SH3KBP1: variants seen among roughly 807,000 people sequenced by gnomAD.
The protein encoded by SH3KBP1 is SH3 domain-containing kinase-binding protein 1.
A neutral mutation model predicts 50.1 loss-of-function variants in SH3KBP1; 8 were observed. The ratio of observed to expected loss-of-function variants is 0.16; its 90% CI spans 0.09 to 0.29. The LOEUF is 0.29. Among genes scored for constraint, SH3KBP1 ranks in the 10% least tolerant of loss-of-function variants. The pLI, the probability that SH3KBP1 is intolerant of heterozygous loss-of-function variation, is 1.00. For missense variants in SH3KBP1, 377 were observed against 535.2 expected (o/e 0.70, Z 2.92); for synonymous variants, 227 against 218.6 (o/e 1.04, Z -0.34).
At position 19,535,045 on chromosome X, in the gene SH3KBP1, C is replaced by T. The variant is rs751749258; in HGVS notation, c.*1372G>A. 2.4e-5 allele frequency: 7 copies of T among 295,949 alleles called. No individual in the cohort carries two copies. The highest frequency in any genetic ancestry group is 4.1e-5 in the Non-Finnish European group (7 of 170,122). The allele number at this position is 295,949 out of a possible 1,213,427, so 24.4% of individuals were successfully genotyped here. ...AGCTTTTGAGAAACACATCCAACAT[C>T]TTCAGGGGCCATTAAGGGACCACCC... On this transcript the variant is annotated 3_prime_UTR_variant, in exon 18 of 18. Coordinates refer to ENST00000397821, the MANE Select transcript of SH3KBP1 (RefSeq NM_031892.3).
At chrX:19,885,726 G>A (rs958794503) in intron 1 of SH3KBP1, among the ~76,000 whole-genome samples, 4 of 110,635 alleles carry the variant, frequency 3.6e-5, no homozygotes, top group African/African-American at 9.9e-5. Flanking sequence ...TGGTTACCTC[G>A]GGAGAAATTA....
rs55675573 is a variant in SH3KBP1 at position 19,722,569 on chromosome X, GGTGTGTGTGTGTGT to G, written c.287-15599_287-15586del. ...GTGTGTGTGTGTGCGCGTGCGCACTGGTGTGTGTGTGTGTGTGTGTGTGTGTGTGTGTGTGTGTG... is the reference window on the plus strand; with the variant it reads ...GTGTGTGTGTGTGCGCGTGCGCACTGGTGTGTGTGTGTGTGTGTGTGTGTG... On this transcript the variant is annotated intron_variant, in intron 3 of 17. Coordinates refer to ENST00000397821, the MANE Select transcript of SH3KBP1 (RefSeq NM_031892.3). 2.4e-3 allele frequency among the ~76,000 whole-genome samples: 201 copies of G among 84,237 alleles called. 1 individual carries two copies. Among genetic ancestry groups the G allele is most frequent in the African/African-American group, 6.7e-3 (145 of 21,644 alleles). 73.1% of individuals were successfully genotyped at this position (84,237 alleles called of 115,157 possible).
chrX:19,579,356 C>T (rs1253146332), intron 12 of SH3KBP1, among the ~76,000 whole-genome samples: 1 of 111,747 alleles, frequency 8.9e-6, no homozygotes, highest in Non-Finnish European at 1.9e-5. Context: ...CTTGACATCT[C>T]AAAGAGGCGC....
chrX:19,702,681 AAAC>A (rs2063558250), intron 4 of SH3KBP1, among the ~76,000 whole-genome samples: 1 of 111,271 alleles, frequency 9.0e-6, no homozygotes, highest in African/African-American at 3.3e-5. Context: ...AAACAAAACG[AAAC>A]AACAACAATG....
chrX:19,776,532 G>GTTTTTTTGT (rs2065981657), intron 2 of SH3KBP1, among the ~76,000 whole-genome samples: 1 of 25,681 alleles, frequency 3.9e-5, no homozygotes, highest in African/African-American at 1.7e-4. Flanking sequence ...TGACAACCTG[G>GTTTTTTTGT]TTTTTTTTTT....
chrX:19,799,845 A>G (rs2066845093), intron 2 of SH3KBP1: 8 of 1,023,481 alleles, frequency 7.8e-6, no homozygotes, highest in Non-Finnish European at 1.0e-5. Flanking sequence ...CCCACTACAC[A>G]CTCACACTGG....
chrX:19,660,253 A>C (rs2062414321), intron 6 of SH3KBP1, among the ~76,000 whole-genome samples: 1 of 112,611 alleles, frequency 8.9e-6, no homozygotes, highest in Non-Finnish European at 1.9e-5. Context: ...TAGGTAGGTA[A>C]CGTGCTTAGC....
At position 19,596,711 on chromosome X, in the gene SH3KBP1, A is replaced by C. The variant is rs767205235; in HGVS notation, c.1006-1711T>G. Reference sequence around the variant, plus strand: ...CTAAACCCGTTGTTGTCATTTCAACAATGTTCACAGCATCTTCACCAGGAG... The same window carrying C: ...CTAAACCCGTTGTTGTCATTTCAACCATGTTCACAGCATCTTCACCAGGAG... On this transcript the variant is annotated intron_variant, in intron 9 of 17. Coordinates refer to ENST00000397821, the MANE Select transcript of SH3KBP1 (RefSeq NM_031892.3). Among the ~76,000 whole-genome samples, 3 of 112,308 alleles carry C rather than the reference A, an allele frequency of 2.7e-5. No homozygotes were observed. In the South Asian group the frequency reaches 1.1e-3, roughly 42 times the overall value.
intron 6 of SH3KBP1, among the ~76,000 whole-genome samples, chrX:19,679,776 G>A (rs1205751076): frequency 8.9e-6 from 1 of 112,064 alleles, no homozygotes; most frequent in Non-Finnish European, 1.9e-5. Context: ...TAGGAAGCAA[G>A]TCCCAGACAT....
intron 8 of SH3KBP1, among the ~76,000 whole-genome samples, chrX:19,620,903 T>A (rs1386388651): frequency 9.0e-6 from 1 of 111,146 alleles, no homozygotes; most frequent in Non-Finnish European, 1.9e-5. Flanking sequence ...TGGTATCATG[T>A]CTAACAACTC....
At chrX:19,595,236 T>G (rs937570548) in intron 9 of SH3KBP1, among the ~76,000 whole-genome samples, 6 of 112,318 alleles carry the variant, frequency 5.3e-5, no homozygotes, top group Admixed American at 1.9e-4. Flanking sequence ...CATTTCCCCC[T>G]TTCTAAATTT....
intron 9 of SH3KBP1, 66 bp downstream of exon 9, chrX:19,607,872 T>G: frequency 1.1e-6 from 1 of 931,231 alleles, no homozygotes; most frequent in South Asian, 2.0e-5. Flanking sequence ...TACACCAAAC[T>G]TCCCCCATCC....
At chrX:19,757,968 G>A (rs2065259840) in intron 2 of SH3KBP1, among the ~76,000 whole-genome samples, 2 of 111,251 alleles carry the variant, frequency 1.8e-5, no homozygotes, top group African/African-American at 6.5e-5. Flanking sequence ...GGAAAGCTAA[G>A]ATGTGGGGAA....
At chrX:19,816,246 C>T (rs894104823) in intron 2 of SH3KBP1, among the ~76,000 whole-genome samples, 6 of 112,311 alleles carry the variant, frequency 5.3e-5, no homozygotes, top group Non-Finnish European at 9.4e-5. Context: ...TTTTAATTTG[C>T]ATTCCTCTAA....
intron 11 of SH3KBP1, among the ~76,000 whole-genome samples, chrX:19,590,956 C>G (rs749533200): frequency 7.5e-5 from 8 of 106,318 alleles, no homozygotes; most frequent in Non-Finnish European, 1.4e-4. Flanking sequence ...GCCACTGTGC[C>G]TGGCCATACC....
chrX:19,764,725 G>T (rs190096946), intron 2 of SH3KBP1, among the ~76,000 whole-genome samples: 5 of 110,688 alleles, frequency 4.5e-5, no homozygotes, highest in African/African-American at 6.6e-5. Flanking sequence ...TCCTATGTCG[G>T]GGGTAGTGTT....
chrX:19,829,659 T>C (rs1404104344), intron 2 of SH3KBP1, among the ~76,000 whole-genome samples: 1 of 98,733 alleles, frequency 1.0e-5, no homozygotes, highest in Non-Finnish European at 2.0e-5. Context: ...AGCAAGAGAA[T>C]CCCTTGAACC....
chrX:19,590,809 ATTT>A (rs34366083), intron 11 of SH3KBP1, among the ~76,000 whole-genome samples: 212 of 23,715 alleles, frequency 8.9e-3, no homozygotes, highest in African/African-American at 0.037. Context: ...AGGCCTGGCT[ATTT>A]TTTTTTTTTT....
At chrX:19,629,773 G>A (rs979601450) in intron 8 of SH3KBP1, among the ~76,000 whole-genome samples, 6 of 112,333 alleles carry the variant, frequency 5.3e-5, no homozygotes, top group Non-Finnish European at 7.5e-5. Context: ...AGATGACAAC[G>A]TCATGTTTTG....
Sources: gnomAD v4.1 joint callset for allele counts (sites outside exome capture counted in the v4.1 genomes callset) on GRCh38, gnomAD v4.1.1 for gene constraint, MANE v1.5 for transcripts, NCBI Gene and HGNC (gene_info 2026-07-23, HGNC 2026-07-21) for gene names.